SBF2: variants seen among roughly 807,000 people sequenced by gnomAD.
SBF2 encodes the protein SET binding factor 2.
Under a neutral mutation model 225.2 loss-of-function variants are expected in SBF2, and 112 were observed. That is an observed-to-expected ratio of 0.50 (90% CI 0.43 to 0.58). The LOEUF (loss-of-function observed/expected upper bound fraction) is 0.58. SBF2 is among the 20% of genes least tolerant of loss of function. The pLI is 0.00. For missense variants in SBF2, 1,996 were observed against 2,206.2 expected, an observed-to-expected ratio of 0.90 and a Z score of 1.91; for synonymous variants, 763 against 773.3, an observed-to-expected ratio of 0.99 and a Z score of 0.22.
chr11:10,014,527 A>AAC (rs1565133778), intron 6 of SBF2, among the ~76,000 whole-genome samples: 4 of 144,566 alleles, frequency 2.8e-5, no homozygotes. Context: ...AAAAAAAAAA[A>AAC]ACGAAAATGG....
At position 10,212,047 on chromosome 11, in the gene SBF2, C is replaced by T. The variant is rs548854118; in HGVS notation, c.56-18060G>A. ...AACCTTTCAAGTCTTTAATATGGCA[C>T]TAATCTCTGAGATTCAGGATGTGAG... On this transcript the variant is annotated intron_variant, in intron 1 of 39. Transcript: ENST00000256190. Among the ~76,000 whole-genome samples, 4 of 152,282 alleles carry T rather than the reference C, an allele frequency of 2.6e-5. No individual in the cohort carries two copies. The East Asian group carries it at 7.7e-4, about 29-fold the overall frequency.
chr11:9,922,170 C>A (rs1433833699), intron 16 of SBF2, among the ~76,000 whole-genome samples: 1 of 151,928 alleles, frequency 6.6e-6, no homozygotes, highest in Admixed American at 6.6e-5. Context: ...TGGTTGAGCC[C>A]AGGAGATGGA....
At position 10,256,799 on chromosome 11, in the gene SBF2, C is replaced by T. The variant is rs531695595; in HGVS notation, c.55+37216G>A. ...TAATTTCTACTCCTGACCTGGAAAA[C>T]GTAATAGCATCTCTCTCATCAAAAT... On this transcript the variant is annotated intron_variant, in intron 1 of 39. Coordinates refer to ENST00000256190, the MANE Select transcript of SBF2 (RefSeq NM_030962.4). Among the ~76,000 whole-genome samples, 22 of 152,246 alleles carry T rather than the reference C, an allele frequency of 1.4e-4. No homozygotes were observed. In the South Asian group the frequency reaches 3.9e-3, roughly 27 times the overall value.
intron 2 of SBF2, among the ~76,000 whole-genome samples, chr11:10,187,241 T>C (rs898457388): frequency 6.6e-6 from 1 of 152,152 alleles, no homozygotes; most frequent in Admixed American, 6.5e-5. Context: ...CCCCCATTTT[T>C]CTGTAGGTGA....
At chr11:10,240,047 A>G (rs1187937551) in intron 1 of SBF2, among the ~76,000 whole-genome samples, 3 of 152,164 alleles carry the variant, frequency 2.0e-5, no homozygotes, top group Non-Finnish European at 4.4e-5. Context: ...ACAGCTGATT[A>G]GTATTGGTAG....
Position 10,133,856 on chromosome 11 carries a change from G to A in SBF2, c.141+60046C>T, listed in dbSNP as rs369540652. On this transcript the variant is annotated intron_variant, in intron 2 of 39. Coordinates refer to ENST00000256190, the MANE Select transcript of SBF2 (RefSeq NM_030962.4). ...CGAGGGCTCTGAGGACTGCCAGCAC[G>A]CTGTCACCTCTCACTAAGAGCATCT... is the stretch of plus-strand genomic sequence containing the variant. Among the ~76,000 whole-genome samples, 8 of 152,334 alleles carry A rather than the reference G, an allele frequency of 5.3e-5. No individual in the cohort carries two copies. In the East Asian group the frequency reaches 1.2e-3, roughly 22 times the overall value.
intron 33 of SBF2, among the ~76,000 whole-genome samples, chr11:9,794,524 G>A (rs1590100188): frequency 6.6e-6 from 1 of 151,536 alleles, no homozygotes; most frequent in South Asian, 2.1e-4. Flanking sequence ...AATTAGCCAG[G>A]CATGGTGGCA....
intron 1 of SBF2, among the ~76,000 whole-genome samples, chr11:10,232,990 AC>A (rs1302719289): frequency 6.6e-6 from 1 of 152,204 alleles, no homozygotes; most frequent in Non-Finnish European, 1.5e-5. Context: ...CATCTGCATA[AC>A]CCCAGTTGCC....
intron 3 of SBF2, among the ~76,000 whole-genome samples, chr11:10,038,893 CAT>C (rs1208560765): frequency 6.6e-6 from 1 of 151,642 alleles, no homozygotes; most frequent in African/African-American, 2.4e-5. Context: ...ATACTTTTAA[CAT>C]ATTTTAAGAT....
intron 17 of SBF2, among the ~76,000 whole-genome samples, chr11:9,894,270 G>C (rs1285337690): frequency 6.6e-6 from 1 of 152,200 alleles, no homozygotes; most frequent in Non-Finnish European, 1.5e-5. Flanking sequence ...TGTAATCCCA[G>C]CACTTTGGGA....
chr11:10,090,702 C>T (rs11042620), intron 2 of SBF2, among the ~76,000 whole-genome samples: 68,053 of 147,106 alleles, frequency 0.46, 16,010 homozygotes, highest in Admixed American at 0.57. Flanking sequence ...GAGGCGGAGG[C>T]TGCAGTGAGC....
intron 32 of SBF2, among the ~76,000 whole-genome samples, chr11:9,804,030 G>A (rs1853644977): frequency 3.3e-5 from 5 of 152,118 alleles, no homozygotes; most frequent in African/African-American, 9.7e-5. Flanking sequence ...CGTGGGACTA[G>A]CTGGAAGTCT....
chr11:9,816,061 T>G (rs1272636428), intron 29 of SBF2, among the ~76,000 whole-genome samples: 1 of 152,220 alleles, frequency 6.6e-6, no homozygotes, highest in African/African-American at 2.4e-5. Flanking sequence ...GAGCACTGGA[T>G]TAAACGTTGA....
intron 28 of SBF2, among the ~76,000 whole-genome samples, chr11:9,818,166 A>T (rs1854559234): frequency 6.6e-6 from 1 of 152,098 alleles, no homozygotes; most frequent in South Asian, 2.1e-4. Context: ...GCTGGTCTCG[A>T]ACTCCCGACC....
Position 10,294,184 on chromosome 11 carries a change from G to C in SBF2, c.-115C>G. On this transcript the variant is annotated 5_prime_UTR_variant, in exon 1 of 40. Transcript: ENST00000256190. ...TGCAGCGGCAGTAGCGGCAGCGGCA[G>C]CGCTTCAGCCATGTTTGACAACCGA... 3.8e-6 allele frequency: 3 copies of C among 796,740 alleles called. No individual in the cohort carries two copies. The highest frequency in any genetic ancestry group is 9.0e-5 in the South Asian group (2 of 22,310). The allele number at this position is 796,740 out of a possible 1,614,324, so 49.4% of individuals were successfully genotyped here. A position where few individuals can be genotyped will look rare whatever the true frequency, so the allele number is the denominator to read the frequency against.
chr11:9,959,646 C>T (rs1473212272), intron 16 of SBF2: 28 of 751,242 alleles, frequency 3.7e-5, no homozygotes, highest in South Asian at 6.8e-5. Flanking sequence ...CTCTTCCACA[C>T]GCTTGGGTTC....
chr11:10,016,013 G>A (rs954010800), intron 6 of SBF2, among the ~76,000 whole-genome samples: 1 of 152,034 alleles, frequency 6.6e-6, no homozygotes, highest in African/African-American at 2.4e-5. Context: ...CTGATCTCAG[G>A]TGATCGACCC....
At chr11:9,846,568 G>C (rs1856563295) in intron 23 of SBF2, among the ~76,000 whole-genome samples, 1 of 152,200 alleles carries the variant, frequency 6.6e-6, no homozygotes, top group South Asian at 2.1e-4. Context: ...TTTAGCCCTA[G>C]CTATACTGTT....
intron 2 of SBF2, among the ~76,000 whole-genome samples, chr11:10,103,837 T>C (rs191617618): frequency 6.6e-6 from 1 of 152,112 alleles, no homozygotes; most frequent in South Asian, 2.1e-4. Flanking sequence ...TCCCAGCACT[T>C]TGGGAGGCCA....
Sources: gnomAD v4.1 joint callset for allele counts (sites outside exome capture counted in the v4.1 genomes callset) on GRCh38, gnomAD v4.1.1 for gene constraint, MANE v1.5 for transcripts, NCBI Gene and HGNC (gene_info 2026-07-23, HGNC 2026-07-21) for gene names.